NOX4: variants seen among roughly 807,000 people sequenced by gnomAD.
The protein encoded by NOX4 is NADPH oxidase 4.
NOX4 carries 69 observed loss-of-function variants against 87.6 expected under a neutral mutation model. That is an observed-to-expected ratio of 0.79 (90% CI 0.65 to 0.96). The LOEUF (loss-of-function observed/expected upper bound fraction) is 0.96. NOX4 is among the 40% of genes least tolerant of loss of function. The probability of loss-of-function intolerance (pLI) is 0.00; values close to 1 mark genes in which losing one functional copy is unlikely to be tolerated. For synonymous variants in NOX4, 275 were observed against 238.2 expected (o/e 1.15, Z -1.42); for missense variants, 680 against 681.5 (o/e 1.00, Z 0.02).
intron 7 of NOX4, among the ~76,000 whole-genome samples, chr11:89,431,150 G>A (rs763656932): frequency 4.6e-5 from 7 of 152,024 alleles, no homozygotes; most frequent in Admixed American, 3.9e-4. Context: ...CTGGCTAGTT[G>A]TATGTAGAAA....
chr11:89,490,745 C>A, intron 1 of NOX4, 192 bp from the exon 2 acceptor site: 1 of 699,532 alleles, frequency 1.4e-6, no homozygotes. Flanking sequence ...TTTACCCAGC[C>A]CTTTCACCTG....
chr11:89,541,985 T>C, the NOX4 span, among the ~76,000 whole-genome samples: 1 of 151,930 alleles, frequency 6.6e-6, no homozygotes, highest in Non-Finnish European at 1.5e-5. Context: ...TTTGTAGTTT[T>C]TTTTTTGTAG....
chr11:89,405,765 A>C (rs1430958740), intron 8 of NOX4, among the ~76,000 whole-genome samples: 1 of 151,744 alleles, frequency 6.6e-6, no homozygotes, highest in African/African-American at 2.4e-5. Context: ...AAAAAAAAAA[A>C]AACTTGCATG....
chr11:89,460,731 A>C (rs1337197717), intron 2 of NOX4, among the ~76,000 whole-genome samples: 3 of 152,200 alleles, frequency 2.0e-5, no homozygotes, highest in African/African-American at 7.2e-5. Flanking sequence ...TAGTTCAACC[A>C]TTGTGGAAGT....
At chr11:89,373,558 C>G (rs1441891108) in intron 11 of NOX4, 66 bp from the exon 12 acceptor site, 1 of 1,032,494 alleles carries the variant, frequency 9.7e-7, no homozygotes, top group African/African-American at 1.6e-5. Context: ...AATTCAATTA[C>G]AACTTTTATC....
At chr11:89,415,178 G>A (rs996943825) in intron 8 of NOX4, among the ~76,000 whole-genome samples, 1 of 152,018 alleles carries the variant, frequency 6.6e-6, no homozygotes, top group Non-Finnish European at 1.5e-5. Context: ...TAATGTGTGT[G>A]TGTGTGTAAA....
the NOX4 span, among the ~76,000 whole-genome samples, chr11:89,534,514 T>C: frequency 1.3e-5 from 2 of 152,208 alleles, no homozygotes; most frequent in African/African-American, 2.4e-5. Context: ...ATTCTCATAA[T>C]AGTTGAATTT....
intron 9 of NOX4, among the ~76,000 whole-genome samples, chr11:89,401,657 T>C (rs960312267): frequency 1.3e-5 from 2 of 152,082 alleles, no homozygotes; most frequent in East Asian, 1.9e-4. Context: ...TGAATACTTA[T>C]GGACGTTTAC....
exon 1 of NOX4, chr11:89,498,131 T>C (rs1167278444): frequency 2.0e-5 from 3 of 152,140 alleles, no homozygotes; most frequent in Admixed American, 6.5e-5. Context: ...AGAGTAGTTA[T>C]TGTGCCCCAT....
chr11:89,335,820 C>A (rs1317558971), intron 17 of NOX4, 25 bp downstream of exon 17: 4 of 1,111,564 alleles, frequency 3.6e-6, no homozygotes. Context: ...AGCCACATAT[C>A]AAATTTTTGA....
At chr11:89,535,922 A>G in the NOX4 span, among the ~76,000 whole-genome samples, 2 of 152,172 alleles carry the variant, frequency 1.3e-5, no homozygotes, top group Admixed American at 1.3e-4. Flanking sequence ...CAAAGATAGA[A>G]GCACTGAGTA....
chr11:89,423,047 G>T (rs996761347), intron 7 of NOX4, among the ~76,000 whole-genome samples: 2 of 151,802 alleles, frequency 1.3e-5, no homozygotes, highest in Non-Finnish European at 2.9e-5. Context: ...ATCCACCTGC[G>T]TCAGTCTCCC....
chr11:89,381,830 T>C (rs1439272686), intron 11 of NOX4, among the ~76,000 whole-genome samples: 1 of 151,822 alleles, frequency 6.6e-6, no homozygotes, highest in African/African-American at 2.4e-5. Context: ...AAGCAGGCTC[T>C]TTTTACTCTT....
intron 2 of NOX4, among the ~76,000 whole-genome samples, chr11:89,463,503 TAAG>T (rs2135422162): frequency 6.6e-6 from 1 of 152,162 alleles, no homozygotes; most frequent in Non-Finnish European, 1.5e-5. Context: ...TGACACTGAC[TAAG>T]AATATGTGTA....
chr11:89,433,493 C>T (rs527700745), intron 6 of NOX4, among the ~76,000 whole-genome samples: 2 of 152,130 alleles, frequency 1.3e-5, no homozygotes, highest in East Asian at 3.9e-4. Flanking sequence ...CTAAATCTCC[C>T]TCATGCTCTC....
chr11:89,467,173 C>T (rs947585825), intron 2 of NOX4, among the ~76,000 whole-genome samples: 3 of 151,264 alleles, frequency 2.0e-5, no homozygotes, highest in African/African-American at 7.3e-5. Flanking sequence ...ACAGTGAAAC[C>T]CCATCTCTAC....
chr11:89,327,843 G>T (rs1945283721), intron 17 of NOX4, among the ~76,000 whole-genome samples: 2 of 151,630 alleles, frequency 1.3e-5, no homozygotes, highest in Admixed American at 6.6e-5. Flanking sequence ...TTGCAGCCAT[G>T]ATGGGGTAAT....
the NOX4 span, among the ~76,000 whole-genome samples, chr11:89,552,022 A>G: frequency 3.3e-5 from 5 of 152,128 alleles, no homozygotes; most frequent in Non-Finnish European, 7.4e-5. Context: ...CACTATAAAA[A>G]AGTGTTACAA....
chr11:89,472,363 CT>C (rs1047036495), intron 2 of NOX4, among the ~76,000 whole-genome samples: 1 of 151,556 alleles, frequency 6.6e-6, no homozygotes, highest in African/African-American at 2.4e-5. Flanking sequence ...CTATAATCTG[CT>C]TTTTTTTCCT....
Sources: allele counts gnomAD v4.1 joint callset (sites outside exome capture counted in the v4.1 genomes callset), GRCh38; gene constraint gnomAD v4.1.1; transcripts MANE v1.5; gene names NCBI Gene and HGNC (gene_info 2026-07-23, HGNC 2026-07-21).